The following TLN2 variants were observed in gnomAD, a reference collection of about 807,000 sequenced individuals.
The protein encoded by TLN2 is talin 2.
Under a neutral mutation model 294.7 loss-of-function variants are expected in TLN2, and 118 were observed. The observed-to-expected ratio is 0.40, with a 90% CI of 0.34 to 0.47. The LOEUF (loss-of-function observed/expected upper bound fraction) is 0.47, where lower values mean the gene tolerates loss of function less well. Ranked by LOEUF, TLN2 falls within the 20% of genes least tolerant of loss-of-function variation. The pLI is 0.84. For missense variants in TLN2, 3,083 were observed against 3,282.2 expected (o/e 0.94, Z 1.48); for synonymous variants, 1,431 against 1,304.5 (o/e 1.10, Z -2.09).
intron 1 of TLN2, among the ~76,000 whole-genome samples, chr15:62,549,480 G>GCATCCATCCATCCATCCATCCATCCATC (rs58665636): frequency 1.9e-4 from 28 of 147,864 alleles, no homozygotes; most frequent in South Asian, 1.3e-3. Flanking sequence ...TGCATGCCAT[G>GCATCCATCCATCCATCCATCCATCCATC]CATCCATCCA....
intron 48 of TLN2, among the ~76,000 whole-genome samples, chr15:62,798,805 A>T (rs1315193762): frequency 2.6e-5 from 4 of 152,202 alleles, no homozygotes; most frequent in Non-Finnish European, 5.9e-5. Flanking sequence ...CTCCGAGAGG[A>T]AACATTCCTT....
intron 1 of TLN2, among the ~76,000 whole-genome samples, chr15:62,390,970 A>T (rs1034147750): frequency 6.6e-6 from 1 of 152,214 alleles, no homozygotes; most frequent in Non-Finnish European, 1.5e-5. Context: ...AGCGGTTTGC[A>T]AACAGCCTCG....
At chr15:62,518,957 T>G (rs1438012155) in intron 1 of TLN2, among the ~76,000 whole-genome samples, 1 of 152,236 alleles carries the variant, frequency 6.6e-6, no homozygotes. Flanking sequence ...TTGGGCACTT[T>G]ACATGTGCCA....
At chr15:62,783,664 T>G in intron 44 of TLN2, 107 bp from the exon 45 acceptor site, 1 of 1,456,820 alleles carries the variant, frequency 6.9e-7, no homozygotes. Flanking sequence ...AGCTTAAAAG[T>G]GAATGAAACC....
At chr15:62,774,642 A>C (rs1305088705) in intron 42 of TLN2, among the ~76,000 whole-genome samples, 1 of 152,138 alleles carries the variant, frequency 6.6e-6, no homozygotes, top group East Asian at 1.9e-4. Flanking sequence ...TCTGTGAAAA[A>C]CTTAACCATG....
chr15:62,824,716 CTG>C (rs2067882113), intron 54 of TLN2, among the ~76,000 whole-genome samples: 1 of 152,150 alleles, frequency 6.6e-6, no homozygotes, highest in South Asian at 2.1e-4. Flanking sequence ...GCCTAATTGA[CTG>C]TGGCAGGAAG....
intron 1 of TLN2, among the ~76,000 whole-genome samples, chr15:62,492,272 A>T (rs2038777838): frequency 6.6e-6 from 1 of 152,090 alleles, no homozygotes; most frequent in African/African-American, 2.4e-5. Flanking sequence ...TAATATGGTG[A>T]TACTAGCCGG....
intron 11 of TLN2, 45 bp downstream of exon 11, chr15:62,675,366 T>C (rs772114158): frequency 2.5e-6 from 4 of 1,591,378 alleles, no homozygotes; most frequent in Non-Finnish European, 3.4e-6. Context: ...GGCCCCTTCT[T>C]TTTTCTTTTG....
chr15:62,456,712 CATAG>C (rs201925251), intron 1 of TLN2, among the ~76,000 whole-genome samples: 11 of 144,948 alleles, frequency 7.6e-5, no homozygotes, highest in Admixed American at 7.6e-4. Context: ...GGGCTTGTCA[CATAG>C]TTAGTATGTT....
At chr15:62,498,089 T>G (rs1290422182) in intron 1 of TLN2, among the ~76,000 whole-genome samples, 1 of 119,816 alleles carries the variant, frequency 8.3e-6, no homozygotes, top group Non-Finnish European at 1.6e-5. Context: ...GTACGAAAAG[T>G]ACAAAAATTA....
At position 62,838,898 on chromosome 15, in the gene TLN2, C is replaced by T. The variant is rs565347411; in HGVS notation, c.7417C>T (p.Arg2473Cys). 9.9e-6 allele frequency: 16 copies of T among 1,611,286 alleles called. No homozygotes were observed. The highest frequency in any genetic ancestry group is 2.8e-5 in the African/African-American group (2 of 72,476). Reference protein sequence around the residue: ...AVKRASDNLVRAAQKAAFGKA... With the variant: ...AVKRASDNLVCAAQKAAFGKA... ...GAAAAGAGCCTCAGACAATCTTGTCCGTGCAGCCCAGAAGGCAGCTTTTGG... is the reference window on the plus strand; with the variant it reads ...GAAAAGAGCCTCAGACAATCTTGTCTGTGCAGCCCAGAAGGCAGCTTTTGG... Residue 2473 changes from arginine to cysteine, a missense_variant, in exon 58 of 59, where the codon CGT becomes TGT. By Grantham distance (180) the Arg-to-Cys change is radical. Transcript: ENST00000636159.
At chr15:62,534,035 G>C (rs2140504386) in intron 1 of TLN2, among the ~76,000 whole-genome samples, 1 of 151,304 alleles carries the variant, frequency 6.6e-6, no homozygotes, top group African/African-American at 2.4e-5. Context: ...CAGTCACCAG[G>C]GGTTACAATG....
chr15:62,508,829 T>C (rs1595972058), intron 1 of TLN2, among the ~76,000 whole-genome samples: 1 of 152,172 alleles, frequency 6.6e-6, no homozygotes, highest in East Asian at 1.9e-4. Context: ...GCAGTGGAGG[T>C]CTCTACTATC....
At chr15:62,737,499 C>T (rs959063692) in intron 29 of TLN2, among the ~76,000 whole-genome samples, 22 of 152,184 alleles carry the variant, frequency 1.4e-4, no homozygotes, top group Admixed American at 7.9e-4. Context: ...AATGATTCTT[C>T]GACTGCCTGA....
chr15:62,667,135 T>G (rs1021556440), intron 9 of TLN2, among the ~76,000 whole-genome samples: 1 of 151,978 alleles, frequency 6.6e-6, no homozygotes, highest in African/African-American at 2.4e-5. Context: ...CCGGCTAATT[T>G]TTTGTATTTT....
At chr15:62,691,782 C>T (rs1318224171) in intron 12 of TLN2, among the ~76,000 whole-genome samples, 1 of 151,962 alleles carries the variant, frequency 6.6e-6, no homozygotes, top group East Asian at 1.9e-4. Flanking sequence ...CGATCCTCCT[C>T]CCTCAGCCTC....
chr15:62,571,543 A>G lies in TLN2; in HGVS notation c.-237-18144A>G, dbSNP rs193110722. Among the ~76,000 whole-genome samples, 798 of 152,358 alleles carry G rather than the reference A, an allele frequency of 5.2e-3. 5 individuals carry two copies. Among genetic ancestry groups the G allele is most frequent in the African/African-American group, 0.017 (706 of 41,578 alleles). On this transcript the variant is annotated intron_variant, in intron 1 of 58. Coordinates refer to ENST00000636159, the MANE Select transcript of TLN2 (RefSeq NM_015059.3). Reference sequence around the variant, plus strand: ...AGCTTGTTGTAGTAATGTCATACTAATACAATTAAGTTAAAAACAAGGTAC... The same window carrying G: ...AGCTTGTTGTAGTAATGTCATACTAGTACAATTAAGTTAAAAACAAGGTAC...
At chr15:62,623,567 A>C (rs1156723810) in intron 3 of TLN2, among the ~76,000 whole-genome samples, 2 of 152,168 alleles carry the variant, frequency 1.3e-5, no homozygotes, top group Non-Finnish European at 2.9e-5. Flanking sequence ...TTAAAGTTTA[A>C]ATTGTAGCTA....
Position 62,709,881 on chromosome 15 carries a change from C to T in TLN2, c.2467+1085C>T, listed in dbSNP as rs2059313575. Among the ~76,000 whole-genome samples, 3 of 152,036 alleles carry T rather than the reference C, an allele frequency of 2.0e-5. No homozygotes were observed. The South Asian group carries it at 6.2e-4, about 32-fold the overall frequency. On this transcript the variant is annotated intron_variant, in intron 21 of 58. Coordinates refer to ENST00000636159, the MANE Select transcript of TLN2 (RefSeq NM_015059.3). ...TCCCAAGTAGCTGGGATTACAGGCGCCTGCCATGATGCCCGGCTAATTTTT... is the reference window on the plus strand; with the variant it reads ...TCCCAAGTAGCTGGGATTACAGGCGTCTGCCATGATGCCCGGCTAATTTTT...
Sources: allele counts gnomAD v4.1 joint callset (sites outside exome capture counted in the v4.1 genomes callset), GRCh38; gene constraint gnomAD v4.1.1; transcripts MANE v1.5; gene names NCBI Gene and HGNC (gene_info 2026-07-23, HGNC 2026-07-21).